Variants in BRCA2 observed in about 807,000 individuals in gnomAD.
BRCA2 encodes BRCA2 DNA repair associated, also known as breast cancer type 2 susceptibility protein.
In BRCA2, 203 loss-of-function variants were observed where a neutral mutation model predicts 276.7. The ratio of observed to expected loss-of-function variants is 0.73; its 90% CI spans 0.65 to 0.82. BRCA2 has a LOEUF of 0.82. Ranked by LOEUF, BRCA2 falls within the 40% of genes least tolerant of loss-of-function variation. BRCA2 has a pLI of 0.00. For missense variants in BRCA2, 3,920 were observed against 3,915.0 expected (o/e 1.00, Z -0.03); for synonymous variants, 1,289 against 1,338.4 (o/e 0.96, Z 0.81).
chr13:32,359,292 CACTT>C (rs2072723492), intron 16 of BRCA2, among the ~76,000 whole-genome samples: 1 of 149,452 alleles, frequency 6.7e-6, no homozygotes, highest in Non-Finnish European at 1.5e-5. Context: ...CCCCGACACA[CACTT>C]ACTTCATGTT....
Position 32,376,664 on chromosome 13 carries a change from T to C in BRCA2, c.8633-6T>C. On this transcript the variant is annotated splice_region_variant and splice_polypyrimidine_tract_variant and intron_variant, in intron 20 of 26. Coordinates refer to ENST00000380152, the MANE Select transcript of BRCA2 (RefSeq NM_000059.4). ...TAGTGAATTAATAATCCTTTTGTTTTCTTAGAAAACACAACAAAACCATAT... is the reference window on the plus strand; with the variant it reads ...TAGTGAATTAATAATCCTTTTGTTTCCTTAGAAAACACAACAAAACCATAT... The C allele has an allele frequency of 1.2e-6, 2 of 1,614,002 alleles. No individual in the cohort carries two copies. The highest frequency in any genetic ancestry group is 1.7e-6 in the Non-Finnish European group (2 of 1,179,902).
rs1428762163 is a variant in BRCA2 at position 32,325,190 on chromosome 13, A to C, written c.425+6A>C. On this transcript the variant is annotated splice_donor_region_variant and intron_variant, in intron 4 of 26. Coordinates refer to ENST00000380152, the MANE Select transcript of BRCA2 (RefSeq NM_000059.4). ...AATTCTTGTCTTAGTGAAAGGTATG[A>C]TGAAGCTATTATATTAAAATATTTA... is the stretch of plus-strand genomic sequence containing the variant. 6.6e-7 allele frequency: 1 copy of C among 1,514,188 alleles called. No homozygotes were observed. Among genetic ancestry groups the C allele is most frequent in the East Asian group, 2.3e-5 (1 of 44,090 alleles). 93.8% of individuals were successfully genotyped at this position (1,514,188 alleles called of 1,614,324 possible). A position where few individuals can be genotyped will look rare whatever the true frequency, so the allele number is the denominator to read the frequency against.
At chr13:32,377,065 T>C (rs2072878873) in intron 21 of BRCA2, among the ~76,000 whole-genome samples, 1 of 152,180 alleles carries the variant, frequency 6.6e-6, no homozygotes, top group African/African-American at 2.4e-5. Flanking sequence ...TTTTTGTCCC[T>C]CCTGTACTCT....
Position 32,398,978 on chromosome 13 carries a change from A to C in BRCA2, c.*208A>C, listed in dbSNP as rs1466599584. On this transcript the variant is annotated 3_prime_UTR_variant, in exon 27 of 27. Coordinates refer to ENST00000380152, the MANE Select transcript of BRCA2 (RefSeq NM_000059.4). ...CTTTTGCTTCAGTTGCATATCTTAAAACTAAATGTAATTTATTAACTAATC... is the reference window on the plus strand; with the variant it reads ...CTTTTGCTTCAGTTGCATATCTTAACACTAAATGTAATTTATTAACTAATC... 1 of 564,748 alleles carries C rather than the reference A, an allele frequency of 1.8e-6. No individual in the cohort carries two copies. Among genetic ancestry groups the C allele is most frequent in the Non-Finnish European group, 3.0e-6 (1 of 335,798 alleles). 35.0% of individuals were successfully genotyped at this position (564,748 alleles called of 1,614,324 possible). A position where few individuals can be genotyped will look rare whatever the true frequency, so the allele number is the denominator to read the frequency against.
chr13:32,343,717 AAAC>A (rs2072589995), intron 11 of BRCA2, among the ~76,000 whole-genome samples: 1 of 152,124 alleles, frequency 6.6e-6, no homozygotes. Flanking sequence ...GGGAAAAAAA[AAAC>A]AATAACTCAG....
chr13:32,347,980 A>G (rs1423751734), intron 13 of BRCA2, among the ~76,000 whole-genome samples: 2 of 152,196 alleles, frequency 1.3e-5, no homozygotes, highest in African/African-American at 4.8e-5. Context: ...TCCATAGCAG[A>G]AAGGAACCTA....
intron 20 of BRCA2, among the ~76,000 whole-genome samples, chr13:32,375,829 G>C (rs1039230356): frequency 1.3e-5 from 2 of 151,000 alleles, no homozygotes; most frequent in African/African-American, 4.8e-5. Flanking sequence ...CAAAGTGCTG[G>C]GATTACAGGT....
At chr13:32,349,830 A>AT (rs1566238841) in intron 13 of BRCA2, among the ~76,000 whole-genome samples, 2 of 150,930 alleles carry the variant, frequency 1.3e-5, no homozygotes, top group African/African-American at 4.9e-5. Context: ...AAAAAAAAAA[A>AT]AAGCAGCAGC....
chr13:32,396,864 A>G, intron 25 of BRCA2, 34 bp from the exon 26 acceptor site: 1 of 1,613,580 alleles, frequency 6.2e-7, no homozygotes, highest in Non-Finnish European at 8.5e-7. Flanking sequence ...TGGGTTTGCA[A>G]TTTATAAAGC....
intron 20 of BRCA2, among the ~76,000 whole-genome samples, chr13:32,376,098 C>T (rs975206458): frequency 6.6e-6 from 1 of 152,082 alleles, no homozygotes; most frequent in African/African-American, 2.4e-5. Context: ...AATGCAGTAT[C>T]TATGAAACTC....
chr13:32,388,744 T>G (rs2072978634), intron 24 of BRCA2, among the ~76,000 whole-genome samples: 2 of 152,086 alleles, frequency 1.3e-5, no homozygotes, highest in African/African-American at 4.8e-5. Flanking sequence ...GATTAATGTT[T>G]GCAGAGTATA....
Position 32,344,564 on chromosome 13 carries a change from C to T in BRCA2, c.6848C>T (p.Pro2283Leu), listed in dbSNP as rs80358910. 3.3e-6 allele frequency: 5 copies of T among 1,522,914 alleles called. No homozygotes were observed. The highest frequency in any genetic ancestry group is 4.5e-6 in the Non-Finnish European group (5 of 1,100,872). 94.3% of individuals were successfully genotyped at this position (1,522,914 alleles called of 1,614,324 possible). A position where few individuals can be genotyped will look rare whatever the true frequency, so the allele number is the denominator to read the frequency against. Residue 2283 changes from proline to leucine, a missense_variant, in exon 12 of 27, where the codon CCC (proline) becomes CTC (leucine). Pro to Leu is a moderately conservative substitution (Grantham distance 98). Around this residue, in one of 2 missense-constraint regions of BRCA2, gnomAD observed 3,263 missense variants for 3,156.9 expected, o/e 1.03. Coordinates refer to ENST00000380152, the MANE Select transcript of BRCA2 (RefSeq NM_000059.4). ...RGEPLILVGE[P>L]SIKRNLLNEF... ...ATGAAATATTTCTTTTTAGGAGAACCCTCAATCAAAAGAAACTTATTAAAT... is the reference window on the plus strand; with the variant it reads ...ATGAAATATTTCTTTTTAGGAGAACTCTCAATCAAAAGAAACTTATTAAAT...
In BRCA2 at chr13:32,398,231, GT is replaced by G; in HGVS notation, c.9721del (p.Ser3241ProfsTer8). 1 of 1,613,728 alleles carries G rather than the reference GT, an allele frequency of 6.2e-7. No homozygotes were observed. The highest frequency in any genetic ancestry group is 8.5e-7 in the Non-Finnish European group (1 of 1,179,924). ...LSLCMAKRKS[V>X]STPVSAQMTS... ...ACTTTGTATGGCCAAAAGGAAGTCT[GT>G]TTCCACACCTGTCTCAGCCCAGATG... On this transcript the variant is annotated frameshift_variant, in exon 27 of 27. Coordinates refer to ENST00000380152, the MANE Select transcript of BRCA2 (RefSeq NM_000059.4). LOFTEE classifies it low-confidence loss of function (END_TRUNC).
At position 32,337,836 on chromosome 13, in the gene BRCA2, G is replaced by C. The variant is rs1555283261; in HGVS notation, c.3481G>C (p.Asp1161His). ...ILKTTSEECR[D>H]ADLHVIMNAP... is the part of the protein sequence containing the mutation. ...AAAGACCACTTCTGAGGAATGCAGA[G>C]ATGCTGATCTTCATGTCATAATGAA... Residue 1161 changes from aspartate (D) to histidine (H), a missense_variant, in exon 11 of 27, where the codon GAT (aspartate) becomes CAT (histidine). Physicochemically the swap from Asp to His is moderately conservative, Grantham distance 81 (BLOSUM62 -1). Coordinates refer to ENST00000380152, the MANE Select transcript of BRCA2 (RefSeq NM_000059.4). The C allele has an allele frequency of 6.2e-7, 1 of 1,614,096 alleles. No homozygotes were observed. Among genetic ancestry groups the C allele is most frequent in the Non-Finnish European group, 8.5e-7 (1 of 1,179,970 alleles).
In BRCA2 at chr13:32,371,580, A is replaced by G. The variant is rs9567609; in HGVS notation, c.8632+480A>G. Among the ~76,000 whole-genome samples the G allele has an allele frequency of 0.22, 33,115 of 151,962 alleles. 3,731 individuals carry two copies. Among genetic ancestry groups the G allele is most frequent in the East Asian group, 0.39 (2,038 of 5,168 alleles). On this transcript the variant is annotated intron_variant, in intron 20 of 26. Transcript: ENST00000380152. The stretch of plus-strand genomic sequence containing the variant: ...AGGACATGTAATTTACATGTCCTAT[A>G]GAACTATAAGTTACATGTCCTATAG...
chr13:32,357,978 C>A (rs2072712884), intron 16 of BRCA2, 49 bp downstream of exon 16: 1 of 1,577,190 alleles, frequency 6.3e-7, no homozygotes, highest in South Asian at 1.1e-5. Context: ...ATTCCCTCAT[C>A]CCTCTTTCTT....
intron 2 of BRCA2, 149 bp downstream of exon 2, chr13:32,316,676 C>T (rs120074212): frequency 1.4e-6 from 1 of 740,314 alleles, no homozygotes; most frequent in Non-Finnish European, 2.3e-6. Context: ...ACATAATCAT[C>T]GTTTGCAGGT....
intron 18 of BRCA2, among the ~76,000 whole-genome samples, chr13:32,365,411 G>T (rs776946028): frequency 4.0e-5 from 6 of 151,698 alleles, no homozygotes; most frequent in Non-Finnish European, 8.8e-5. Flanking sequence ...ACAAAGTCTC[G>T]CTCTTGTTGC....
rs913935914 is a variant in BRCA2, at chr13:32,399,707, C to T, written c.*937C>T. 1 of 170,348 alleles carries T rather than the reference C, an allele frequency of 5.9e-6. No homozygotes were observed. The highest frequency in any genetic ancestry group is 1.3e-5 in the Non-Finnish European group (1 of 78,400). The allele number at this position is 170,348 out of a possible 1,614,324, so 10.6% of individuals were successfully genotyped here. ...TTATTTTTAGCGCTATCACAGGACCCAGAGCCTATGCCCTTTTAAACTTAC... is the reference window on the plus strand; with the variant it reads ...TTATTTTTAGCGCTATCACAGGACCTAGAGCCTATGCCCTTTTAAACTTAC... On this transcript the variant is annotated 3_prime_UTR_variant, in exon 27 of 27. Coordinates refer to ENST00000380152, the MANE Select transcript of BRCA2 (RefSeq NM_000059.4).
Sources: gnomAD v4.1 joint callset for allele counts (sites outside exome capture counted in the v4.1 genomes callset) on GRCh38, gnomAD v4.1.1 for gene constraint, gnomAD v4.1.1 regional missense constraint, MANE v1.5 for transcripts, NCBI Gene and HGNC (gene_info 2026-07-23, HGNC 2026-07-21) for gene names.